Variants in RNF130 observed in about 807,000 individuals in gnomAD.
The protein encoded by RNF130 is E3 ubiquitin-protein ligase RNF130.
A neutral mutation model predicts 44.6 loss-of-function variants in RNF130; 21 were observed. That is an observed-to-expected ratio of 0.47 (90% CI 0.33 to 0.68). The LOEUF (loss-of-function observed/expected upper bound fraction) is 0.68. Ranked by LOEUF, RNF130 falls within the 30% of genes least tolerant of loss-of-function variation. The probability of loss-of-function intolerance (pLI) is 0.02; values close to 1 mark genes in which losing one functional copy is unlikely to be tolerated. For synonymous variants in RNF130, 214 were observed against 210.4 expected (o/e 1.02, Z -0.15); for missense variants, 479 against 560.6 (o/e 0.85, Z 1.47).
chr5:179,997,519 G>A (rs1465030647), intron 3 of RNF130, among the ~76,000 whole-genome samples: 19 of 152,014 alleles, frequency 1.2e-4, no homozygotes, highest in Admixed American at 9.2e-4. Flanking sequence ...TAGTAGAGAC[G>A]GGGTTTCACC....
At chr5:179,981,664 C>T (rs1347666349) in intron 3 of RNF130, among the ~76,000 whole-genome samples, 1 of 152,138 alleles carries the variant, frequency 6.6e-6, no homozygotes, top group Admixed American at 6.5e-5. Flanking sequence ...TGTTAGATGC[C>T]ACTGTCTTTC....
chr5:179,993,172 A>C (rs1038393560), intron 3 of RNF130, among the ~76,000 whole-genome samples: 4 of 152,190 alleles, frequency 2.6e-5, no homozygotes, highest in African/African-American at 9.7e-5. Flanking sequence ...GTGAATAGTG[A>C]CGCAATAAAC....
At chr5:179,992,031 C>T (rs919911969) in intron 3 of RNF130, among the ~76,000 whole-genome samples, 10 of 152,266 alleles carry the variant, frequency 6.6e-5, no homozygotes, top group African/African-American at 1.9e-4. Context: ...CAATGGGGAG[C>T]GACTGTAAAT....
chr5:180,046,024 C>T (rs1764556817), intron 1 of RNF130, among the ~76,000 whole-genome samples: 1 of 152,182 alleles, frequency 6.6e-6, no homozygotes, highest in African/African-American at 2.4e-5. Flanking sequence ...GCCGGGGAGG[C>T]TCCAGTGGCG....
At chr5:179,955,823 A>T (rs577524483) in intron 8 of RNF130, among the ~76,000 whole-genome samples, 154 bp from the exon 9 acceptor site, 8 of 152,212 alleles carry the variant, frequency 5.3e-5, no homozygotes, top group Non-Finnish European at 1.0e-4. Context: ...GTGTTTTCCC[A>T]AAATCAGCAG....
At chr5:179,953,940 C>T (rs777475730), downstream of RNF130, among the ~76,000 whole-genome samples, 19 of 152,122 alleles carry the variant, frequency 1.2e-4, no homozygotes, top group Admixed American at 2.6e-4. Context: ...GGTAAAGCAC[C>T]GGGATAGACA....
At chr5:180,054,703 CTG>C (rs1764766590) in intron 1 of RNF130, among the ~76,000 whole-genome samples, 1 of 152,176 alleles carries the variant, frequency 6.6e-6, no homozygotes, top group African/African-American at 2.4e-5. Context: ...GTTTTGACTA[CTG>C]TGAGTCCCTT....
Position 179,929,730 on chromosome 5 carries a change from AGAGT to A in RNF130, c.1151-9308_1151-9305del, listed in dbSNP as rs567032625. Among the ~76,000 whole-genome samples, 308 of 145,784 alleles carry A rather than the reference AGAGT, an allele frequency of 2.1e-3. 2 individuals carry two copies. The highest frequency in any genetic ancestry group is 8.0e-3 in the African/African-American group (297 of 37,142). ...GCCACTGCACTCCAGCCTGGGTGAC[AGAGT>A]GAGACTGTGTCTCAAAAAAAAAAAA... On this transcript the variant is annotated intron_variant, in intron 7 of 7. Transcript: ENST00000522208.
At chr5:179,959,636 A>G (rs1762284385) in intron 8 of RNF130, among the ~76,000 whole-genome samples, 1 of 152,190 alleles carries the variant, frequency 6.6e-6, no homozygotes, top group African/African-American at 2.4e-5. Flanking sequence ...CAAAAAAAAA[A>G]AAAGAGTACT....
At chr5:180,045,965 C>T (rs1764554603) in intron 1 of RNF130, among the ~76,000 whole-genome samples, 1 of 152,236 alleles carries the variant, frequency 6.6e-6, no homozygotes. Flanking sequence ...ACTCCTCAGC[C>T]CCTGGGCGGT....
chr5:180,039,673 T>A (rs76369889), intron 2 of RNF130, among the ~76,000 whole-genome samples: 1,648 of 152,230 alleles, frequency 0.011, 31 homozygotes, highest in African/African-American at 0.038. Context: ...TATGTAAAAA[T>A]TACACGATGA....
At chr5:180,071,327 G>A in intron 1 of RNF130, 129 bp downstream of exon 1, 1 of 924,158 alleles carries the variant, frequency 1.1e-6, no homozygotes, top group African/African-American at 1.7e-5. Context: ...CGGAAGCCTC[G>A]ACCCTGGCTG....
At chr5:179,948,429 G>C (rs570706294) in intron 7 of RNF130, among the ~76,000 whole-genome samples, 3 of 152,248 alleles carry the variant, frequency 2.0e-5, no homozygotes, top group Admixed American at 1.3e-4. Context: ...CAGCACTTTG[G>C]GAGGCTGAGG....
intron 3 of RNF130, among the ~76,000 whole-genome samples, chr5:180,004,452 G>T (rs1376960286): frequency 6.6e-6 from 1 of 152,146 alleles, no homozygotes; most frequent in Non-Finnish European, 1.5e-5. Flanking sequence ...GTTACTAAAA[G>T]TATTCGGACT....
chr5:180,062,858 G>A (rs1368164179), intron 1 of RNF130, among the ~76,000 whole-genome samples: 3 of 152,108 alleles, frequency 2.0e-5, no homozygotes, highest in Non-Finnish European at 2.9e-5. Context: ...AATCTGTCCC[G>A]TTAACTGGCC....
exon 8 of RNF130, chr5:179,913,708 G>T (rs1432525125): frequency 1.3e-5 from 2 of 152,222 alleles, no homozygotes. Context: ...AAAAAAGAGG[G>T]TGAACCTTTA....
intron 3 of RNF130, among the ~76,000 whole-genome samples, chr5:180,006,633 A>T (rs1031417742): frequency 3.3e-5 from 5 of 152,240 alleles, no homozygotes; most frequent in African/African-American, 1.2e-4. Flanking sequence ...TAAGTGGCAG[A>T]ATATTTTACA....
rs577768867 is a variant in RNF130, at chr5:180,041,901, A to T, written c.248-1254T>A. On this transcript the variant is annotated intron_variant, in intron 1 of 8. Transcript: ENST00000521389. ...AGACCACCCTGGGCGACAAAGTGAA[A>T]CAAAAAATACAAAAAAATTAGCTGG... 7.2e-5 allele frequency among the ~76,000 whole-genome samples: 11 copies of T among 152,302 alleles called. No individual in the cohort carries two copies. In the East Asian group the frequency reaches 1.9e-3, roughly 27 times the overall value.
intron 7 of RNF130, among the ~76,000 whole-genome samples, chr5:179,965,895 T>G (rs558804944): frequency 6.6e-6 from 1 of 152,314 alleles, no homozygotes; most frequent in Admixed American, 6.5e-5. Flanking sequence ...AAACATTTTG[T>G]AACAGTGTCA....
Sources: allele counts gnomAD v4.1 joint callset (sites outside exome capture counted in the v4.1 genomes callset), GRCh38; gene constraint gnomAD v4.1.1; transcripts MANE v1.5; gene names NCBI Gene and HGNC (gene_info 2026-07-23, HGNC 2026-07-21).